PTPRD: variants seen among roughly 807,000 people sequenced by gnomAD.
PTPRD encodes the protein receptor-type tyrosine-protein phosphatase delta.
In PTPRD, 34 loss-of-function variants were observed where a neutral mutation model predicts 214.5. The observed-to-expected ratio is 0.16, with a 90% CI of 0.12 to 0.21. The LOEUF is 0.21. Ranked by LOEUF, PTPRD falls within the 10% of genes least tolerant of loss-of-function variation. The probability of loss-of-function intolerance (pLI) is 1.00; values close to 1 mark genes in which losing one functional copy is unlikely to be tolerated. For synonymous variants in PTPRD, 1,128 were observed against 845.7 expected (o/e 1.33, Z -5.79); for missense variants, 2,545 against 2,398.7 (o/e 1.06, Z -1.27).
chr9:8,609,520 G>T (rs966007815), intron 14 of PTPRD, among the ~76,000 whole-genome samples: 2 of 152,216 alleles, frequency 1.3e-5, no homozygotes, highest in East Asian at 3.8e-4. Flanking sequence ...TGAATCAGGT[G>T]GATGTGCATT....
chr9:10,249,362 G>A (rs2092557237), intron 3 of PTPRD, among the ~76,000 whole-genome samples: 1 of 152,084 alleles, frequency 6.6e-6, no homozygotes, highest in African/African-American at 2.4e-5. Flanking sequence ...AGGTATGTTA[G>A]TTCTCAGCGT....
intron 11 of PTPRD, among the ~76,000 whole-genome samples, chr9:8,816,305 C>A (rs16928477): frequency 6.6e-6 from 1 of 152,144 alleles, no homozygotes; most frequent in Non-Finnish European, 1.5e-5. Flanking sequence ...TAAAGGTCTG[C>A]GAGAGGCTCC....
intron 7 of PTPRD, among the ~76,000 whole-genome samples, chr9:9,624,599 G>C (rs1285648573): frequency 2.0e-5 from 3 of 151,888 alleles, no homozygotes; most frequent in African/African-American, 7.3e-5. Flanking sequence ...TATTTTGGTA[G>C]CTGTTGTTTT....
intron 34 of PTPRD, among the ~76,000 whole-genome samples, chr9:8,448,870 C>T (rs1300827434): frequency 1.3e-5 from 2 of 152,186 alleles, no homozygotes; most frequent in Non-Finnish European, 2.9e-5. Flanking sequence ...TGGGACAACA[C>T]TGCAACCACA....
chr9:10,110,021 A>G (rs1054745217), intron 3 of PTPRD, among the ~76,000 whole-genome samples: 2 of 152,072 alleles, frequency 1.3e-5, no homozygotes, highest in Non-Finnish European at 2.9e-5. Context: ...TGATGTCAAC[A>G]TATCTGATGC....
At chr9:9,012,276 C>G (rs1287536309) in intron 11 of PTPRD, among the ~76,000 whole-genome samples, 2 of 152,180 alleles carry the variant, frequency 1.3e-5, no homozygotes, top group African/African-American at 4.8e-5. Flanking sequence ...GGCTGACACA[C>G]TGCATTCTTG....
intron 42 of PTPRD, 143 bp downstream of exon 42, chr9:8,340,200 A>G (rs1851174215): frequency 4.1e-6 from 4 of 964,954 alleles, no homozygotes; most frequent in Non-Finnish European, 5.6e-6. Flanking sequence ...TTAGAAACTA[A>G]CAAGGAATGA....
In PTPRD at chr9:8,584,876, C is replaced by T. The variant is rs151212932; in HGVS notation, c.352+48441G>A. Among the ~76,000 whole-genome samples the T allele has an allele frequency of 9.2e-5, 14 of 152,300 alleles. No homozygotes were observed. The East Asian group carries it at 2.3e-3, about 25-fold the overall frequency. ...AAGCGGAAGCAAACATGTCCTTCTT[C>T]GCATGGCAGTGTCGAGGAGAAGAAT... is the stretch of plus-strand genomic sequence containing the variant. On this transcript the variant is annotated intron_variant, in intron 14 of 45. Coordinates refer to ENST00000381196, the MANE Select transcript of PTPRD (RefSeq NM_002839.4).
intron 4 of PTPRD, among the ~76,000 whole-genome samples, chr9:9,955,963 G>A (rs1403265574): frequency 6.6e-6 from 1 of 152,074 alleles, no homozygotes; most frequent in East Asian, 1.9e-4. Flanking sequence ...ATTATAACAG[G>A]AGTGGTGGGG....
chr9:8,655,295 G>A (rs2096887293), intron 12 of PTPRD, among the ~76,000 whole-genome samples: 1 of 152,114 alleles, frequency 6.6e-6, no homozygotes, highest in Non-Finnish European at 1.5e-5. Flanking sequence ...TGCCTCTTTG[G>A]GGAAATGTGT....
intron 11 of PTPRD, among the ~76,000 whole-genome samples, chr9:8,752,341 T>C (rs1451805546): frequency 3.7e-4 from 56 of 152,130 alleles, no homozygotes; most frequent in Non-Finnish European, 1.0e-4. Context: ...AACAGTGCCA[T>C]GGCAGTTTAC....
intron 8 of PTPRD, among the ~76,000 whole-genome samples, chr9:9,424,765 G>C (rs1377107242): frequency 6.6e-6 from 1 of 152,080 alleles, no homozygotes; most frequent in Non-Finnish European, 1.5e-5. Flanking sequence ...AAGGTCACTA[G>C]ATACAAAGTC....
At chr9:8,515,720 G>T (rs2097770776) in intron 21 of PTPRD, among the ~76,000 whole-genome samples, 1 of 152,154 alleles carries the variant, frequency 6.6e-6, no homozygotes, top group African/African-American at 2.4e-5. Flanking sequence ...TAGGGCAGCA[G>T]CATTAAGTAT....
At chr9:8,333,736 C>T (rs932521223) in intron 43 of PTPRD, among the ~76,000 whole-genome samples, 3 of 151,968 alleles carry the variant, frequency 2.0e-5, no homozygotes, top group Non-Finnish European at 4.4e-5. Context: ...ACTAAATGCC[C>T]CAATTAAAAG....
At chr9:10,331,883 G>A (rs1355564448) in intron 3 of PTPRD, among the ~76,000 whole-genome samples, 3 of 151,860 alleles carry the variant, frequency 2.0e-5, no homozygotes, top group African/African-American at 7.2e-5. Flanking sequence ...AATAAGGTAT[G>A]TGGTCATTCA....
intron 9 of PTPRD, among the ~76,000 whole-genome samples, chr9:9,194,488 G>C (rs556092275): frequency 4.7e-4 from 71 of 152,208 alleles, no homozygotes; most frequent in African/African-American, 1.5e-3. Context: ...AATGTGTTGT[G>C]CTACAATGGC....
chr9:9,621,348 C>T (rs544822472), intron 7 of PTPRD, among the ~76,000 whole-genome samples: 2 of 152,270 alleles, frequency 1.3e-5, no homozygotes, highest in South Asian at 4.1e-4. Flanking sequence ...ACTGAAACTG[C>T]CAATGACTTT....
intron 9 of PTPRD, among the ~76,000 whole-genome samples, chr9:9,234,554 A>G (rs1323122359): frequency 6.6e-6 from 1 of 152,062 alleles, no homozygotes; most frequent in Non-Finnish European, 1.5e-5. Context: ...CTATGACATC[A>G]CCCGGCTGCA....
intron 34 of PTPRD, among the ~76,000 whole-genome samples, chr9:8,440,319 A>ATT: frequency 6.8e-6 from 1 of 146,040 alleles, no homozygotes; most frequent in African/African-American, 2.5e-5. Flanking sequence ...GAAATGTATT[A>ATT]TTTTTTTTTT....
Sources: gnomAD v4.1 joint callset for allele counts (sites outside exome capture counted in the v4.1 genomes callset) on GRCh38, gnomAD v4.1.1 for gene constraint, MANE v1.5 for transcripts, NCBI Gene and HGNC (gene_info 2026-07-23, HGNC 2026-07-21) for gene names.